The following GRIK2 variants were observed in gnomAD, a reference collection of about 807,000 sequenced individuals.
The protein encoded by GRIK2 is glutamate ionotropic receptor kainate type subunit 2.
In GRIK2, 32 loss-of-function variants were observed where a neutral mutation model predicts 100.3. That is an observed-to-expected ratio of 0.32 (90% CI 0.24 to 0.43). The LOEUF (loss-of-function observed/expected upper bound fraction) is 0.43. Ranked by LOEUF, GRIK2 falls within the 20% of genes least tolerant of loss-of-function variation. The probability of loss-of-function intolerance (pLI) is 1.00; values close to 1 mark genes in which losing one functional copy is unlikely to be tolerated. For synonymous variants in GRIK2, 417 were observed against 389.4 expected, an observed-to-expected ratio of 1.07 and a Z score of -0.83; for missense variants, 843 against 1,114.9, an observed-to-expected ratio of 0.76 and a Z score of 3.47.
chr6:101,718,593 C>T (rs1327171750), intron 7 of GRIK2, among the ~76,000 whole-genome samples: 1 of 151,892 alleles, frequency 6.6e-6, no homozygotes, highest in African/African-American at 2.4e-5. Flanking sequence ...ATCATCCCTC[C>T]ATTATCTAGA....
intron 2 of GRIK2, among the ~76,000 whole-genome samples, chr6:101,499,487 G>T (rs547104334): frequency 6.6e-6 from 1 of 152,140 alleles, no homozygotes; most frequent in South Asian, 2.1e-4. Context: ...GTTTATAAAA[G>T]TGGCAATGAT....
At chr6:101,885,994 G>A (rs2039852) in intron 11 of GRIK2, among the ~76,000 whole-genome samples, 118,702 of 151,996 alleles carry the variant, frequency 0.78, 46,583 homozygotes, top group East Asian at 0.92. Context: ...AATGCATAAT[G>A]TGTATCCACC....
intron 11 of GRIK2, among the ~76,000 whole-genome samples, chr6:101,863,859 C>T (rs566110654): frequency 1.6e-4 from 25 of 152,260 alleles, no homozygotes; most frequent in Admixed American, 8.5e-4. Context: ...GTGGATTGGC[C>T]GGGCGCGGTG....
At chr6:101,415,256 T>A (rs1452179334) in intron 2 of GRIK2, among the ~76,000 whole-genome samples, 1 of 151,918 alleles carries the variant, frequency 6.6e-6, no homozygotes, top group African/African-American at 2.4e-5. Flanking sequence ...TATCTCACCA[T>A]AAGTAATATT....
At chr6:101,907,621 C>T (rs1267612994) in intron 12 of GRIK2, among the ~76,000 whole-genome samples, 1 of 151,564 alleles carries the variant, frequency 6.6e-6, no homozygotes. Flanking sequence ...CTTGAGCATG[C>T]AGGACTTTAA....
chr6:101,659,112 G>A (rs535304828), intron 4 of GRIK2, among the ~76,000 whole-genome samples: 4 of 151,844 alleles, frequency 2.6e-5, no homozygotes, highest in African/African-American at 9.7e-5. Context: ...GAATCATATT[G>A]CCTAGGTTTT....
intron 2 of GRIK2, among the ~76,000 whole-genome samples, chr6:101,447,892 C>A (rs1409764873): frequency 6.6e-6 from 1 of 151,636 alleles, no homozygotes; most frequent in East Asian, 1.9e-4. Flanking sequence ...CTTTTGTCAT[C>A]CCGTCTCCTT....
chr6:101,862,550 T>A (rs1784790028), intron 11 of GRIK2, among the ~76,000 whole-genome samples: 1 of 152,020 alleles, frequency 6.6e-6, no homozygotes, highest in South Asian at 2.1e-4. Context: ...TGCCTCAGCC[T>A]TGTGGGTAGA....
chr6:101,737,562 G>A (rs1032277536), intron 7 of GRIK2, among the ~76,000 whole-genome samples: 5 of 152,058 alleles, frequency 3.3e-5, no homozygotes, highest in Non-Finnish European at 7.4e-5. Context: ...AGAGAGACTC[G>A]CCCCAATGAT....
chr6:101,914,627 C>A (rs1177658920), intron 12 of GRIK2, among the ~76,000 whole-genome samples: 1 of 151,394 alleles, frequency 6.6e-6, no homozygotes, highest in African/African-American at 2.4e-5. Flanking sequence ...GTTGCCCCCC[C>A]ACCACACCCA....
intron 2 of GRIK2, among the ~76,000 whole-genome samples, chr6:101,400,084 C>T (rs568750257): frequency 7.6e-4 from 116 of 152,214 alleles, no homozygotes; most frequent in South Asian, 3.7e-3. Flanking sequence ...TGCTGAGTCC[C>T]CCTCTCACAG....
At chr6:101,692,023 A>G (rs1450500656) in intron 7 of GRIK2, among the ~76,000 whole-genome samples, 1 of 139,254 alleles carries the variant, frequency 7.2e-6, no homozygotes, top group Non-Finnish European at 1.5e-5. Flanking sequence ...CTAAACTCCA[A>G]CGTAACACCC....
chr6:101,911,630 G>A (rs1277586413), intron 12 of GRIK2, among the ~76,000 whole-genome samples: 2 of 151,288 alleles, frequency 1.3e-5, no homozygotes, highest in Non-Finnish European at 3.0e-5. Flanking sequence ...TTAACTTACT[G>A]GAAGCCCCTA....
intron 7 of GRIK2, chr6:101,744,546 A>ATC (rs1562351730): frequency 2.7e-5 from 3 of 110,232 alleles, no homozygotes; most frequent in African/African-American, 1.0e-4. Flanking sequence ...ATATATATAT[A>ATC]TATATATATA....
intron 4 of GRIK2, among the ~76,000 whole-genome samples, chr6:101,636,958 C>T (rs1249757496): frequency 6.6e-6 from 1 of 152,108 alleles, no homozygotes; most frequent in Middle Eastern, 3.2e-3. Flanking sequence ...TGTATCATCT[C>T]TCTGAAACAC....
chr6:101,665,469 T>G (rs1383345315), intron 4 of GRIK2, among the ~76,000 whole-genome samples: 1 of 152,182 alleles, frequency 6.6e-6, no homozygotes, highest in Non-Finnish European at 1.5e-5. Flanking sequence ...AAATCTAAAA[T>G]TTTATATTCT....
intron 10 of GRIK2, among the ~76,000 whole-genome samples, chr6:101,831,721 A>G (rs530569470): frequency 2.0e-5 from 3 of 152,232 alleles, no homozygotes; most frequent in Non-Finnish European, 2.9e-5. Context: ...GGCATGTCCA[A>G]TTCAATTTCT....
intron 2 of GRIK2, among the ~76,000 whole-genome samples, chr6:101,619,505 G>A (rs1199911989): frequency 1.3e-5 from 2 of 151,682 alleles, no homozygotes; most frequent in African/African-American, 4.8e-5. Context: ...TATTATAACT[G>A]GGTAAAATAT....
At position 101,496,742 on chromosome 6, in the gene GRIK2, T is replaced by C. The variant is rs543796732; in HGVS notation, c.115+97350T>C. Among the ~76,000 whole-genome samples the C allele has an allele frequency of 2.8e-4, 43 of 152,272 alleles. 1 individual carries two copies. The South Asian group carries it at 7.7e-3, about 27-fold the overall frequency. ...TTAAGTGATTATTTACTAACTAGAG[T>C]TCGCTTTCAAATTTTAAAAAGATCT... On this transcript the variant is annotated intron_variant, in intron 2 of 16. Coordinates refer to ENST00000369134, the MANE Select transcript of GRIK2 (RefSeq NM_021956.5).
Sources: allele counts gnomAD v4.1 joint callset (sites outside exome capture counted in the v4.1 genomes callset), GRCh38; gene constraint gnomAD v4.1.1; transcripts MANE v1.5; gene names NCBI Gene and HGNC (gene_info 2026-07-23, HGNC 2026-07-21).